The following GPR132 variants were observed in gnomAD, a reference collection of about 807,000 sequenced individuals.
GPR132 encodes the protein probable G protein-coupled receptor 132.
A neutral mutation model predicts 1.9 loss-of-function variants in GPR132; 4 were observed. The observed-to-expected ratio is 2.13, with a 90% CI of 1.05 to 4.87. The LOEUF (loss-of-function observed/expected upper bound fraction) is 4.87. Ranked by LOEUF, GPR132 falls within the 30% of genes most tolerant of loss-of-function variation. The pLI, the probability that GPR132 is intolerant of heterozygous loss-of-function variation, is 0.01. For missense variants in GPR132, 404 were observed against 512.5 expected, an observed-to-expected ratio of 0.79 and a Z score of 2.04; for synonymous variants, 233 against 234.2, an observed-to-expected ratio of 0.99 and a Z score of 0.05.
At chr14:105,053,351 G>T (rs1886704564) in intron 3 of GPR132, among the ~76,000 whole-genome samples, 1 of 151,808 alleles carries the variant, frequency 6.6e-6, no homozygotes, top group Non-Finnish European at 1.5e-5. Flanking sequence ...GTAGAGATGG[G>T]GTTTCTCCAT....
Position 105,051,676 on chromosome 14 carries a change from C to T in GPR132, c.461G>A (p.Arg154His), listed in dbSNP as rs765720156. Residue 154 changes from arginine to histidine, a missense_variant, in exon 4 of 4, where the codon CGC (arginine) becomes CAC (histidine). Physicochemically the swap from Arg to His is conservative, Grantham distance 29 (BLOSUM62 0). Coordinates refer to ENST00000329797, the MANE Select transcript of GPR132 (RefSeq NM_013345.4). This position sits in a 1 kb window ranked among gnomAD's most constrained non-coding sequence, Gnocchi z 8.0. ...GATGAGGATGGCGGTCCTCCGGCGG[C>T]GGCGGCCCCGACTCTCCAGCGCGTA... The part of the protein sequence containing the change: ...VVYALESRGR[R>H]RRRTAILISA... 9.3e-6 allele frequency: 15 copies of T among 1,613,508 alleles called. No individual in the cohort carries two copies. The highest frequency in any genetic ancestry group is 1.1e-5 in the South Asian group (1 of 91,092).
rs201906275 is a variant in GPR132 at position 105,055,812 on chromosome 14, ACGTGTGGCGTGTGG to A, written c.-406_-393del. On this transcript the variant is annotated 5_prime_UTR_variant, in exon 3 of 4. It removes the in-frame stop codon of an upstream open reading frame in the 5' UTR. Transcript: ENST00000329797. This position sits in a 1 kb window ranked among gnomAD's most constrained non-coding sequence, Gnocchi z 4.7. ...GCCCTTCCATCTTGAGCAATCCTGC[ACGTGTGGCGTGTGG>A]CGTGTGGCGTGTGGCGTGTTCTGCT... 1.9e-5 allele frequency: 4 copies of A among 213,228 alleles called. No individual in the cohort carries two copies. Among genetic ancestry groups the A allele is most frequent in the South Asian group, 1.4e-4 (1 of 7,396 alleles). The allele number at this position is 213,228 out of a possible 1,614,324, so 13.2% of individuals were successfully genotyped here.
chr14:105,064,822 C>T (rs540550174), intron 1 of GPR132, among the ~76,000 whole-genome samples: 27 of 152,264 alleles, frequency 1.8e-4, no homozygotes, highest in African/African-American at 5.8e-4. Flanking sequence ...GTGCCTGGTG[C>T]GCCGAACGCC....
At chr14:105,063,845 CT>C (rs5811167) in intron 1 of GPR132, among the ~76,000 whole-genome samples, 83,640 of 148,642 alleles carry the variant, frequency 0.56, 25,681 homozygotes, top group Non-Finnish European at 0.71. Flanking sequence ...TTCTTTCTTT[CT>C]TTTTTTTTTT....
rs61274642 is a variant in GPR132, at chr14:105,060,619, T to C, written c.-860-3339A>G. ...TGTCAAATGAGCAGGAGTGAGCACA[T>C]GGAGCCACTGCCTGAGGCCCCTGGG... On this transcript the variant is annotated intron_variant, in intron 1 of 3. Transcript: ENST00000329797. This position sits in a 1 kb window ranked among gnomAD's most constrained non-coding sequence, Gnocchi z 6.3. 1.5e-3 allele frequency among the ~76,000 whole-genome samples: 225 copies of C among 152,292 alleles called. 5 individuals carry two copies. The East Asian group carries it at 0.027, about 18-fold the overall frequency.
intron 3 of GPR132, among the ~76,000 whole-genome samples, chr14:105,053,581 T>G (rs1258535051): frequency 3.9e-5 from 6 of 152,134 alleles, no homozygotes; most frequent in African/African-American, 1.2e-4. Flanking sequence ...AGTGCTTGCT[T>G]TACGTATTTG....
rs1339883484 is a variant in GPR132, at chr14:105,055,049, G to A, written c.34+338C>T. ...AAAAAAAAAAAAAAAAAAAAAATTC[G>A]GCCCCATGGGCCGTTCATTCCTTCA... On this transcript the variant is annotated intron_variant, in intron 3 of 3. Coordinates refer to ENST00000329797, the MANE Select transcript of GPR132 (RefSeq NM_013345.4). This position sits in a 1 kb window ranked among gnomAD's most constrained non-coding sequence, Gnocchi z 4.7. Among the ~76,000 whole-genome samples, 1 of 146,952 alleles carries A rather than the reference G, an allele frequency of 6.8e-6. No homozygotes were observed. The highest frequency in any genetic ancestry group is 1.5e-5 in the Non-Finnish European group (1 of 66,948).
At position 105,060,523 on chromosome 14, in the gene GPR132, T is replaced by C. The variant is rs946708523; in HGVS notation, c.-860-3243A>G. On this transcript the variant is annotated intron_variant, in intron 1 of 3. Transcript: ENST00000329797. The surrounding 1 kb of genome is among the most constrained non-coding windows in gnomAD (Gnocchi z 6.3). ...GCCCACATACTCTTGCTCGCTGGTG[T>C]CTACTCCGATTCTGCAGCCGCCCCC... Among the ~76,000 whole-genome samples, 1 of 152,114 alleles carries C rather than the reference T, an allele frequency of 6.6e-6. No individual in the cohort carries two copies. The highest frequency in any genetic ancestry group is 1.5e-5 in the Non-Finnish European group (1 of 68,006).
Position 105,059,765 on chromosome 14 carries a change from C to T in GPR132, c.-860-2485G>A, listed in dbSNP as rs1022636246. Among the ~76,000 whole-genome samples, 2 of 152,306 alleles carry T rather than the reference C, an allele frequency of 1.3e-5. No individual in the cohort carries two copies. Among genetic ancestry groups the T allele is most frequent in the Admixed American group, 6.5e-5 (1 of 15,298 alleles). On this transcript the variant is annotated intron_variant, in intron 1 of 3. Coordinates refer to ENST00000329797, the MANE Select transcript of GPR132 (RefSeq NM_013345.4). This position sits in a 1 kb window ranked among gnomAD's most constrained non-coding sequence, Gnocchi z 4.2. ...GGACTTCCTGAGGCTGTGTCACAGA[C>T]GCGTGTCCTCAACTTTAGCAAATAA...
At chr14:105,057,569 G>A (rs1886831902) in intron 1 of GPR132, 2 of 169,090 alleles carry the variant, frequency 1.2e-5, no homozygotes, top group Admixed American at 6.6e-5. Flanking sequence ...CGCCCAGGCT[G>A]GAGTGCAGTA....
At position 105,056,413 on chromosome 14, in the gene GPR132, C is replaced by T. The variant is rs559799109; in HGVS notation, c.-746-247G>A. Among the ~76,000 whole-genome samples the T allele has an allele frequency of 6.6e-6, 1 of 152,324 alleles. No individual in the cohort carries two copies. Among genetic ancestry groups the T allele is most frequent in the South Asian group, 2.1e-4 (1 of 4,826 alleles). The stretch of plus-strand genomic sequence containing the variant: ...AAGTTTCGGGCCCCCTACACGGCCC[C>T]GTCTCTTTCATGACAATCACAGGCC... On this transcript the variant is annotated intron_variant, in intron 2 of 3. Transcript: ENST00000329797. The surrounding 1 kb of genome is among the most constrained non-coding windows in gnomAD (Gnocchi z 6.0).
At position 105,051,961 on chromosome 14, in the gene GPR132, G is replaced by A. The variant is rs767800422; in HGVS notation, c.176C>T (p.Ala59Val). ...CGCCAGCCACGCAGTCAGGCAGTTG[G>A]CCGGCACCCCCAGCGTGCACACCGC... ...YSAVCTLGVP[A>V]NCLTAWLALL... Residue 59 changes from alanine (A) to valine (V), a missense_variant, in exon 4 of 4, where the codon GCC (alanine) becomes GTC (valine). Transcript: ENST00000329797. This position sits in a 1 kb window ranked among gnomAD's most constrained non-coding sequence, Gnocchi z 8.0. The A allele has an allele frequency of 1.5e-5, 24 of 1,613,330 alleles. No homozygotes were observed. Among genetic ancestry groups the A allele is most frequent in the Non-Finnish European group, 1.9e-5 (23 of 1,179,998 alleles).
At chr14:105,053,147 CTTTTTTTTTTTT>C (rs1162515395) in intron 3 of GPR132, among the ~76,000 whole-genome samples, 12 of 98,992 alleles carry the variant, frequency 1.2e-4, no homozygotes, top group South Asian at 4.0e-4. Flanking sequence ...AACCTGTAGT[CTTTTTTTTTTTT>C]TTTTTTTTTT....
chr14:105,064,821 G>A (rs1887041374), intron 1 of GPR132, among the ~76,000 whole-genome samples: 1 of 152,118 alleles, frequency 6.6e-6, no homozygotes, highest in Admixed American at 6.6e-5. Context: ...TGTGCCTGGT[G>A]CGCCGAACGC....
Position 105,053,869 on chromosome 14 carries a change from CA to C in GPR132, c.34+1517del. ...CTATCTGGTGGGCCCAATGGAATCA[CA>C]AAAGTCCTTAAATGTGGGAGAGGGC... On this transcript the variant is annotated intron_variant, in intron 3 of 3. Coordinates refer to ENST00000329797, the MANE Select transcript of GPR132 (RefSeq NM_013345.4). The C allele has an allele frequency of 1.9e-6, 2 of 1,054,796 alleles. 1 individual carries two copies. Among genetic ancestry groups the C allele is most frequent in the South Asian group, 3.9e-5 (2 of 51,928 alleles). 65.3% of individuals were successfully genotyped at this position (1,054,796 alleles called of 1,614,324 possible). A position where few individuals can be genotyped will look rare whatever the true frequency, so the allele number is the denominator to read the frequency against.
chr14:105,065,111 G>A (rs941277986), intron 1 of GPR132, among the ~76,000 whole-genome samples: 1 of 152,128 alleles, frequency 6.6e-6, no homozygotes, highest in Non-Finnish European at 1.5e-5. Context: ...AAGTCTCCAG[G>A]AAGGTGGCGG....
Position 105,056,295 on chromosome 14 carries a change from G to T in GPR132, c.-746-129C>A. 1 of 262,312 alleles carries T rather than the reference G, an allele frequency of 3.8e-6. No homozygotes were observed. The allele number at this position is 262,312 out of a possible 1,614,324, so 16.2% of individuals were successfully genotyped here. Reference sequence around the variant, plus strand: ...GCAGTTCTCGGGTGGGAGGCCCAACGCCTGTGTTTGCACTCACTGTTCTTC... The same window carrying T: ...GCAGTTCTCGGGTGGGAGGCCCAACTCCTGTGTTTGCACTCACTGTTCTTC... On this transcript the variant is annotated intron_variant, in intron 2 of 3. Transcript: ENST00000329797. This position sits in a 1 kb window ranked among gnomAD's most constrained non-coding sequence, Gnocchi z 6.0.
In GPR132 at chr14:105,055,604, G is replaced by A; in HGVS notation, c.-184C>T. 1 of 649,324 alleles carries A rather than the reference G, an allele frequency of 1.5e-6. No individual in the cohort carries two copies. The highest frequency in any genetic ancestry group is 2.8e-6 in the Non-Finnish European group (1 of 353,346). The allele number at this position is 649,324 out of a possible 1,614,324, so 40.2% of individuals were successfully genotyped here. A position where few individuals can be genotyped will look rare whatever the true frequency, so the allele number is the denominator to read the frequency against. ...CCCACGTGGGTGGGCATCTCTGCGT[G>A]TCTTCAGCGTGTGTCCTTCCGTGTC... is the stretch of plus-strand genomic sequence containing the variant. On this transcript the variant is annotated 5_prime_UTR_variant, in exon 3 of 4. Transcript: ENST00000329797. This position sits in a 1 kb window ranked among gnomAD's most constrained non-coding sequence, Gnocchi z 4.7.
At position 105,060,913 on chromosome 14, in the gene GPR132, G is replaced by A. The variant is rs1002333530; in HGVS notation, c.-860-3633C>T. Among the ~76,000 whole-genome samples, 4 of 152,268 alleles carry A rather than the reference G, an allele frequency of 2.6e-5. No individual in the cohort carries two copies. The highest frequency in any genetic ancestry group is 4.4e-5 in the Non-Finnish European group (3 of 68,048). On this transcript the variant is annotated intron_variant, in intron 1 of 3. Coordinates refer to ENST00000329797, the MANE Select transcript of GPR132 (RefSeq NM_013345.4). This position sits in a 1 kb window ranked among gnomAD's most constrained non-coding sequence, Gnocchi z 6.3. ...CCCCAGCCGCAGGCAGAGGCTCACA[G>A]CGAGGCCCCTCTGGGATCCAGGCCT...
Sources: gnomAD v4.1 joint callset for allele counts (sites outside exome capture counted in the v4.1 genomes callset) on GRCh38, gnomAD v4.1.1 for gene constraint, Gnocchi (gnomAD v3.1) non-coding constraint, MANE v1.5 for transcripts, NCBI Gene and HGNC (gene_info 2026-07-23, HGNC 2026-07-21) for gene names.